USH1C: variants seen among roughly 807,000 people sequenced by gnomAD.
The protein encoded by USH1C is USH1 protein network component harmonin, also known as harmonin.
In USH1C, 90 loss-of-function variants were observed where a neutral mutation model predicts 119.3. That is an observed-to-expected ratio of 0.75 (90% CI 0.64 to 0.90). The LOEUF (loss-of-function observed/expected upper bound fraction) is 0.90, where lower values mean the gene tolerates loss of function less well. USH1C is among the 40% of genes least tolerant of loss of function. The probability of loss-of-function intolerance (pLI) is 0.00; values close to 1 mark genes in which losing one functional copy is unlikely to be tolerated. For synonymous variants in USH1C, 465 were observed against 443.3 expected, an observed-to-expected ratio of 1.05 and a Z score of -0.62; for missense variants, 1,165 against 1,167.7, an observed-to-expected ratio of 1.00 and a Z score of 0.03.
chr11:17,507,522 C>G (rs1419205040), intron 18 of USH1C, among the ~76,000 whole-genome samples: 1 of 152,216 alleles, frequency 6.6e-6, no homozygotes, highest in Non-Finnish European at 1.5e-5. Context: ...TTTTCTTTTA[C>G]TCTGGACTAT....
At chr11:17,525,839 G>T (rs1019543642) in intron 8 of USH1C, among the ~76,000 whole-genome samples, 21 of 152,194 alleles carry the variant, frequency 1.4e-4, no homozygotes, top group Non-Finnish European at 2.6e-4. Flanking sequence ...ATTGGGCTCT[G>T]TTAGAGATGA....
intron 16 of USH1C, among the ~76,000 whole-genome samples, chr11:17,511,155 G>A (rs1196470321): frequency 6.6e-6 from 1 of 152,200 alleles, no homozygotes; most frequent in African/African-American, 2.4e-5. Flanking sequence ...CTTTGGACAT[G>A]TCTTCATGGG....
rs1422895060 is a variant in USH1C at position 17,531,400 on chromosome 11, T to C, written c.247A>G (p.Arg83Gly). The C allele has an allele frequency of 6.2e-7, 1 of 1,613,818 alleles. No individual in the cohort carries two copies. Among genetic ancestry groups the C allele is most frequent in the Non-Finnish European group, 8.5e-7 (1 of 1,179,848 alleles). ...EYDQLTPRRS[R>G]KLKEVRLDRL... is the part of the protein sequence containing the mutation. ...CCAGCCTGGTGGCTTCCTCTGCACCTGGAGCGCCGGGGGGTCAGCTGATCA... is the reference window on the plus strand; with the variant it reads ...CCAGCCTGGTGGCTTCCTCTGCACCCGGAGCGCCGGGGGGTCAGCTGATCA... The change falls in exon 3 of 27, where the codon AGG becomes GGG. Residue 83 changes from arginine (R) to glycine (G), a missense_variant and splice_region_variant. Transcript: ENST00000005226. This position sits in a 1 kb window ranked among gnomAD's most constrained non-coding sequence, Gnocchi z 4.2.
rs568468973 is a variant in USH1C at position 17,496,241 on chromosome 11, G to A, written c.2546+517C>T. ...ACAGAGAGACCCACAGGACACAAGA[G>A]ACAGACACACAGGGAATCACAGAGA... On this transcript the variant is annotated intron_variant, in intron 25 of 26. Transcript: ENST00000005226. Among the ~76,000 whole-genome samples, 275 of 152,212 alleles carry A rather than the reference G, an allele frequency of 1.8e-3. 2 individuals carry two copies. Among genetic ancestry groups the A allele is most frequent in the Middle Eastern group, 3.4e-3 (1 of 294 alleles).
chr11:17,543,574 C>T (rs1218835052), intron 1 of USH1C, among the ~76,000 whole-genome samples: 1 of 152,172 alleles, frequency 6.6e-6, no homozygotes. Flanking sequence ...TGAAACCTGG[C>T]CACTTCCAGA....
intron 1 of USH1C, among the ~76,000 whole-genome samples, chr11:17,543,997 ACCC>A (rs1851588485): frequency 6.6e-6 from 1 of 152,058 alleles, no homozygotes; most frequent in Non-Finnish European, 1.5e-5. Flanking sequence ...AGGAATTCAA[ACCC>A]CAGAGACGTC....
At chr11:17,502,800 G>A (rs931489814) in intron 20 of USH1C, among the ~76,000 whole-genome samples, 1 of 152,212 alleles carries the variant, frequency 6.6e-6, no homozygotes, top group Non-Finnish European at 1.5e-5. Flanking sequence ...GTGGGAGCCA[G>A]GGGCATCCCC....
chr11:17,517,803 A>G (rs1234120629), intron 14 of USH1C, among the ~76,000 whole-genome samples: 7 of 152,184 alleles, frequency 4.6e-5, no homozygotes, highest in African/African-American at 1.7e-4. Context: ...GGATGGGAAT[A>G]TCTGAGAATC....
chr11:17,521,378 C>T lies in USH1C; in HGVS notation c.1053G>A (p.Glu351=). The change falls in exon 13 of 27, where the codon GAG becomes GAA. Residue 351 remains glutamate (E), a synonymous_variant. Transcript: ENST00000005226. ...TCTCCTTCCGGTATCTCTCATTTTC[C>T]TCTGCTGCCTTCTGGGCAATTTCTT... ...RRKEIAQKAA[E]ENERYRKEME... 1.2e-6 allele frequency: 2 copies of T among 1,614,164 alleles called. No individual in the cohort carries two copies. Among genetic ancestry groups the T allele is most frequent in the Non-Finnish European group, 1.7e-6 (2 of 1,180,030 alleles).
intron 22 of USH1C, 124 bp downstream of exon 22, chr11:17,501,358 G>A (rs1849437483): frequency 2.5e-6 from 3 of 1,202,380 alleles, no homozygotes; most frequent in Middle Eastern, 2.1e-4. Flanking sequence ...GTGGGAGAGG[G>A]GAGGACAGTG....
At chr11:17,501,359 G>T in intron 22 of USH1C, 123 bp downstream of exon 22, 1 of 1,209,282 alleles carries the variant, frequency 8.3e-7, no homozygotes, top group Admixed American at 2.0e-5. Context: ...TGGGAGAGGG[G>T]AGGACAGTGG....
intron 14 of USH1C, chr11:17,517,454 C>G: frequency 6.3e-7 from 1 of 1,595,152 alleles, no homozygotes; most frequent in South Asian, 1.1e-5. Flanking sequence ...GGCTCGAGCT[C>G]AGGTTCCACT....
intron 15 of USH1C, among the ~76,000 whole-genome samples, chr11:17,513,138 A>T (rs1849966344): frequency 6.6e-6 from 1 of 152,160 alleles, no homozygotes; most frequent in Non-Finnish European, 1.5e-5. Flanking sequence ...CAGGATTTGG[A>T]CCTGAGTCTT....
At position 17,501,515 on chromosome 11, in the gene USH1C, C is replaced by T. The variant is rs1849445730; in HGVS notation, c.2247G>A (p.Met749Ile). 2 of 1,613,014 alleles carry T rather than the reference C, an allele frequency of 1.2e-6. No homozygotes were observed. Among genetic ancestry groups the T allele is most frequent in the African/African-American group, 1.3e-5 (1 of 74,910 alleles). Residue 749 changes from methionine to isoleucine, a missense_variant, in exon 22 of 27, where the codon ATG (methionine) becomes ATA (isoleucine). Transcript: ENST00000005226. ...PYSMFTPEQI[M>I]GKDVRLLRIK... ...TGCGTAGGAGCCGGACATCCTTCCC[C>T]ATGATCTGCTCTGGGGTGAACTAGA... is the stretch of plus-strand genomic sequence containing the variant.
intron 6 of USH1C, 66 bp downstream of exon 6, chr11:17,526,950 C>T: frequency 6.4e-7 from 1 of 1,564,790 alleles, no homozygotes; most frequent in South Asian, 1.2e-5. Flanking sequence ...GGAGCCGGAC[C>T]CCAGGGCTGT....
intron 15 of USH1C, among the ~76,000 whole-genome samples, chr11:17,515,680 G>A (rs1850111476): frequency 6.6e-6 from 1 of 152,222 alleles, no homozygotes; most frequent in Non-Finnish European, 1.5e-5. Flanking sequence ...TGGAGATATT[G>A]TAATAAGATT....
chr11:17,534,704 G>A (rs546346417), intron 1 of USH1C, among the ~76,000 whole-genome samples: 7 of 152,198 alleles, frequency 4.6e-5, no homozygotes, highest in Non-Finnish European at 1.0e-4. Flanking sequence ...GCAAAACCCT[G>A]TCTCTATTAA....
At chr11:17,504,107 C>T (rs2133796156) in intron 20 of USH1C, among the ~76,000 whole-genome samples, 1 of 152,274 alleles carries the variant, frequency 6.6e-6, no homozygotes, top group South Asian at 2.1e-4. Context: ...TGGCTGCCTG[C>T]CTGATGCCAC....
chr11:17,523,499 G>T, intron 9 of USH1C, 21 bp from the exon 10 acceptor site: 2 of 1,613,770 alleles, frequency 1.2e-6, no homozygotes, highest in South Asian at 1.1e-5. Flanking sequence ...AATGGAGAAA[G>T]ATTAGTGTGT....
Sources: gnomAD v4.1 joint callset for allele counts (sites outside exome capture counted in the v4.1 genomes callset) on GRCh38, gnomAD v4.1.1 for gene constraint, Gnocchi (gnomAD v3.1) non-coding constraint, MANE v1.5 for transcripts, NCBI Gene and HGNC (gene_info 2026-07-23, HGNC 2026-07-21) for gene names.